SAMD9L: variants seen among roughly 807,000 people sequenced by gnomAD.
SAMD9L encodes sterile alpha motif domain containing 9 like.
In SAMD9L, 68 loss-of-function variants were observed where a neutral mutation model predicts 90.7. That is an observed-to-expected ratio of 0.75 (90% CI 0.62 to 0.92). SAMD9L has a LOEUF of 0.92. Among genes scored for constraint, SAMD9L ranks in the 40% least tolerant of loss-of-function variants. The pLI, the probability that SAMD9L is intolerant of heterozygous loss-of-function variation, is 0.00. For synonymous variants in SAMD9L, 640 were observed against 630.1 expected, an observed-to-expected ratio of 1.02 and a Z score of -0.23; for missense variants, 1,604 against 1,824.3, an observed-to-expected ratio of 0.88 and a Z score of 2.20.
At position 93,135,737 on chromosome 7, in the gene SAMD9L, A is replaced by T. The variant is rs1290593152; in HGVS notation, c.235T>A (p.Ser79Thr). 4 of 1,613,904 alleles carry T rather than the reference A, an allele frequency of 2.5e-6. No individual in the cohort carries two copies. The highest frequency in any genetic ancestry group is 3.4e-6 in the Non-Finnish European group (4 of 1,179,956). The part of the protein sequence containing the change: ...KRSYNKLNSK[S>T]PESDNHDPGQ... ...GGATCATGATTGTCACTTTCAGGGGACTTACTATTCAATTTGTTGTATGAA... is the reference window on the plus strand; with the variant it reads ...GGATCATGATTGTCACTTTCAGGGGTCTTACTATTCAATTTGTTGTATGAA... The change falls in exon 5 of 5, where the codon TCC becomes ACC. Residue 79 changes from serine (S) to threonine (T), a missense_variant. Ser to Thr is a moderately conservative substitution (Grantham distance 58). Around this residue, in one of 7 missense-constraint regions of SAMD9L, gnomAD observed 374 missense variants for 363.6 expected, o/e 1.03. Transcript: ENST00000318238.
Position 93,132,998 on chromosome 7 carries a change from T to C in SAMD9L, c.2974A>G (p.Ile992Val). 6.2e-7 allele frequency: 1 copy of C among 1,613,492 alleles called. No individual in the cohort carries two copies. Among genetic ancestry groups the C allele is most frequent in the Non-Finnish European group, 8.5e-7 (1 of 1,179,584 alleles). Residue 992 changes from isoleucine (I) to valine (V), a missense_variant, in exon 5 of 5, where the codon ATT becomes GTT. Ile to Val is a conservative substitution (Grantham distance 29). Coordinates refer to ENST00000318238, the MANE Select transcript of SAMD9L (RefSeq NM_152703.5). ...YTGVRIIHPL[I>V]ALYCLKELER... ...AGTTCTTTTAGACAGTACAGGGCAA[T>C]CAGAGGGTGAATGATACGCACACCT...
rs1792403114 is a variant in SAMD9L at position 93,135,581 on chromosome 7, G to A, written c.391C>T (p.Gln131Ter). ...YDPREIRDIKQEESILMKENV... is the reference protein window; with the variant it reads ...YDPREIRDIK ...TCTTTCATAAGAATTGATTCTTCTT[G>A]TTTGATATCTCTGATCTCTCTGGGA... is the stretch of plus-strand genomic sequence containing the variant. Residue 131 changes from glutamine to a stop codon, truncating the protein, a stop_gained, in exon 5 of 5, where the codon CAA becomes TAA. Transcript: ENST00000318238. LOFTEE classifies it low-confidence loss of function (END_TRUNC). The A allele has an allele frequency of 6.2e-7, 1 of 1,613,666 alleles. No individual in the cohort carries two copies.
In SAMD9L at chr7:93,131,397, T is replaced by TAGA. The variant is rs1792083838; in HGVS notation, c.4572_4574dup (p.Leu1525dup). The stretch of plus-strand genomic sequence containing the variant: ...TTAGCTTGCCTTCAGCCTGACCAGT[T>TAGA]AGACGACGCAGGAGGTCTTTGACTT... On this transcript the variant is annotated inframe_insertion, in exon 5 of 5. Coordinates refer to ENST00000318238, the MANE Select transcript of SAMD9L (RefSeq NM_152703.5). 6.2e-7 allele frequency: 1 copy of TAGA among 1,613,620 alleles called. No homozygotes were observed. The highest frequency in any genetic ancestry group is 8.5e-7 in the Non-Finnish European group (1 of 1,179,830).
At position 93,131,934 on chromosome 7, in the gene SAMD9L, A is replaced by G. The variant is rs1012729811; in HGVS notation, c.4038T>C (p.Tyr1346=). 1 of 1,613,008 alleles carries G rather than the reference A, an allele frequency of 6.2e-7. No individual in the cohort carries two copies. The highest frequency in any genetic ancestry group is 1.1e-5 in the South Asian group (1 of 90,948). ...TAGCATCTTTGTAGTTTGGATTAAG[A>G]TATTCCAAGAGTCCAGCAAACCTAT... ...RADRFAGLLE[Y]LNPNYKDATT... Residue 1346 remains tyrosine, a synonymous_variant, in exon 5 of 5, where the codon TAT becomes TAC. Coordinates refer to ENST00000318238, the MANE Select transcript of SAMD9L (RefSeq NM_152703.5).
At position 93,135,982 on chromosome 7, in the gene SAMD9L, C is replaced by T. The variant is rs1358658964; in HGVS notation, c.-11G>A. ...TACTTGTTTACTCATATCAAAGCTT[C>T]AACTTCTTCCTGAGACAAAGCAATA... is the stretch of plus-strand genomic sequence containing the variant. On this transcript the variant is annotated 5_prime_UTR_variant, in exon 5 of 5. Transcript: ENST00000318238. 6.5e-7 allele frequency: 1 copy of T among 1,536,628 alleles called. No individual in the cohort carries two copies. Among genetic ancestry groups the T allele is most frequent in the Non-Finnish European group, 8.7e-7 (1 of 1,146,888 alleles).
At chr7:93,143,752 C>T (rs1379122129) in intron 4 of SAMD9L, among the ~76,000 whole-genome samples, 1 of 152,202 alleles carries the variant, frequency 6.6e-6, no homozygotes, top group African/African-American at 2.4e-5. Flanking sequence ...ATATTACTTT[C>T]ATGTGAATTT....
chr7:93,135,435 T>G lies in SAMD9L; in HGVS notation c.537A>C (p.Glu179Asp), dbSNP rs748965019. 11 of 1,614,192 alleles carry G rather than the reference T, an allele frequency of 6.8e-6. No homozygotes were observed. The South Asian group carries it at 9.9e-5, about 15-fold the overall frequency. Residue 179 changes from glutamate to aspartate, a missense_variant, in exon 5 of 5, where the codon GAA becomes GAC. Physicochemically the swap from Glu to Asp is conservative, Grantham distance 45. Coordinates refer to ENST00000318238, the MANE Select transcript of SAMD9L (RefSeq NM_152703.5). ...DQFHDSHRYI[E>D]HYTLQPETGA... ...CTGTTTCAGGTTGTAGAGTATAATG[T>G]TCTATGTAGCGATGGCTGTCATGGA... is the stretch of plus-strand genomic sequence containing the variant.
Position 93,134,469 on chromosome 7 carries a change from T to C in SAMD9L, c.1503A>G (p.Arg501=), listed in dbSNP as rs75446743. The change falls in exon 5 of 5, where the codon AGA becomes AGG. Residue 501 remains arginine (R), a synonymous_variant. Transcript: ENST00000318238. The stretch of plus-strand genomic sequence containing the variant: ...TATATGTCTCGCTTTTCAGGTCTGA[T>C]CTGCCGTTGCAGAAAATCCAGCTGG... ...QQPSWIFCNG[R]SDLKSETYKP... 5,741 of 1,614,026 alleles carry C rather than the reference T, an allele frequency of 3.6e-3. 16 individuals are homozygous for C. Among genetic ancestry groups the C allele is most frequent in the Non-Finnish European group, 4.5e-3 (5,348 of 1,179,910 alleles).
chr7:93,139,739 C>T (rs982937073), intron 4 of SAMD9L, among the ~76,000 whole-genome samples: 8 of 152,166 alleles, frequency 5.3e-5, no homozygotes, highest in South Asian at 4.1e-4. Flanking sequence ...CCAATAAATA[C>T]GGTTACTGAG....
rs1244514747 is a variant in SAMD9L, at chr7:93,147,127, C to T, written c.-1023G>A. 1.3e-5 allele frequency: 2 copies of T among 152,180 alleles called. No homozygotes were observed. Among genetic ancestry groups the T allele is most frequent in the Non-Finnish European group, 2.9e-5 (2 of 68,058 alleles). The allele number at this position is 152,180 out of a possible 1,614,324, so 9.4% of individuals were successfully genotyped here. ...TGTCCTCTTTCAGAAATTTAACCAG[C>T]CAGTCTCTCTCTGGAAATGCTAAAG... On this transcript the variant is annotated 5_prime_UTR_variant, in exon 2 of 5. Coordinates refer to ENST00000318238, the MANE Select transcript of SAMD9L (RefSeq NM_152703.5).
rs780102041 is a variant in SAMD9L at position 93,131,296 on chromosome 7, C to G, written c.4676G>C (p.Gly1559Ala). The G allele has an allele frequency of 1.9e-6, 3 of 1,612,072 alleles. No individual in the cohort carries two copies. The East Asian group carries it at 6.7e-5, about 36-fold the overall frequency. The change falls in exon 5 of 5, where the codon GGT becomes GCT. Residue 1559 changes from glycine (G) to alanine (A), a missense_variant. By Grantham distance (60) the Gly-to-Ala change is moderately conservative (BLOSUM62 0). Coordinates refer to ENST00000318238, the MANE Select transcript of SAMD9L (RefSeq NM_152703.5). ...ISVYSGPLRS[G>A]RNIERVSFYL... Reference sequence around the variant, plus strand: ...GAAAGACACTCTTTCTATGTTCCTACCACTTCTGAGTGGACCTGAATAAAC... The same window carrying G: ...GAAAGACACTCTTTCTATGTTCCTAGCACTTCTGAGTGGACCTGAATAAAC...
Position 93,131,046 on chromosome 7 carries a change from G to A in SAMD9L, c.*171C>T, listed in dbSNP as rs974644535. ...CTCCACTTTGTGCCAAGCTCTGCGG[G>A]TAGGCATATTTCATATCTTAAAAAG... On this transcript the variant is annotated 3_prime_UTR_variant, in exon 5 of 5. Transcript: ENST00000318238. 5 of 496,274 alleles carry A rather than the reference G, an allele frequency of 1.0e-5. No individual in the cohort carries two copies. The highest frequency in any genetic ancestry group is 1.8e-5 in the Non-Finnish European group (5 of 284,102). The allele number at this position is 496,274 out of a possible 1,614,324, so 30.7% of individuals were successfully genotyped here.
Position 93,132,405 on chromosome 7 carries a change from A to C in SAMD9L, c.3567T>G (p.Tyr1189Ter). 1 of 1,613,876 alleles carries C rather than the reference A, an allele frequency of 6.2e-7. No homozygotes were observed. The highest frequency in any genetic ancestry group is 1.1e-5 in the South Asian group (1 of 91,066). Residue 1189 changes from tyrosine to a stop codon, truncating the protein, a stop_gained, in exon 5 of 5, where the codon TAT (tyrosine) becomes TAG (stop). Coordinates refer to ENST00000318238, the MANE Select transcript of SAMD9L (RefSeq NM_152703.5). LOFTEE classifies it high-confidence loss of function. The part of the protein sequence containing the change: ...NWSPQKSQRR[Y>*]DMYNTACFLG... ...AGAAACAAGCTGTGTTATACATGTC[A>C]TATCGTCTCTGGGACTTCTGTGGTG... is the stretch of plus-strand genomic sequence containing the variant.
Position 93,145,746 on chromosome 7 carries a change from C to T in SAMD9L, c.-484G>A, listed in dbSNP as rs1792865966. On this transcript the variant is annotated 5_prime_UTR_variant, in exon 3 of 5. Coordinates refer to ENST00000318238, the MANE Select transcript of SAMD9L (RefSeq NM_152703.5). ...TTTGAAAGAATAGTGAAAAGAATACCCTTCTCCTAGGTAGCATCTCTTTGT... is the reference window on the plus strand; with the variant it reads ...TTTGAAAGAATAGTGAAAAGAATACTCTTCTCCTAGGTAGCATCTCTTTGT... 6.6e-6 allele frequency: 1 copy of T among 152,058 alleles called. No homozygotes were observed. The highest frequency in any genetic ancestry group is 2.4e-5 in the African/African-American group (1 of 41,388). 9.4% of individuals were successfully genotyped at this position (152,058 alleles called of 1,614,324 possible).
In SAMD9L at chr7:93,134,588, T is replaced by A; in HGVS notation, c.1384A>T (p.Ser462Cys). 1 of 1,613,992 alleles carries A rather than the reference T, an allele frequency of 6.2e-7. No individual in the cohort carries two copies. The highest frequency in any genetic ancestry group is 1.6e-4 in the Middle Eastern group (1 of 6,062). Residue 462 changes from serine (S) to cysteine (C), a missense_variant, in exon 5 of 5, where the codon AGT (serine) becomes TGT (cysteine). By Grantham distance (112) the Ser-to-Cys change is moderately radical (BLOSUM62 -1). Transcript: ENST00000318238. ...INGVVKAYKE[S>C]RVANLHFPNQ... The stretch of plus-strand genomic sequence containing the variant: ...GGAAAGTGAAGGTTTGCCACCCGAC[T>A]TTCTTTGTAAGCTTTGACCACTCCA...
chr7:93,132,260 T>A lies in SAMD9L; in HGVS notation c.3712A>T (p.Ile1238Phe), dbSNP rs781015626. ...CATTCATTTCTGGGATCAGGAGGAA[T>A]GGTCCACTTTCCTGATAAAAATTGC... The part of the protein sequence containing the change: ...MVQFLSGKWT[I>F]PPDPRNECYL... The change falls in exon 5 of 5, where the codon ATT becomes TTT. Residue 1238 changes from isoleucine (I) to phenylalanine (F), a missense_variant. Physicochemically the swap from Ile to Phe is conservative, Grantham distance 21. This residue lies in a region of SAMD9L where 302 missense variants were observed against 314.7 expected (regional missense o/e 0.96). Coordinates refer to ENST00000318238, the MANE Select transcript of SAMD9L (RefSeq NM_152703.5). The A allele has an allele frequency of 2.5e-6, 4 of 1,613,792 alleles. No individual in the cohort carries two copies. Among genetic ancestry groups the A allele is most frequent in the Non-Finnish European group, 3.4e-6 (4 of 1,179,820 alleles).
intron 1 of SAMD9L, 27 bp downstream of exon 1, chr7:93,148,166 TA>T (rs1317579979): frequency 2.0e-5 from 3 of 152,182 alleles, no homozygotes; most frequent in Non-Finnish European, 4.4e-5. Flanking sequence ...GCATAACAAA[TA>T]AAGGTTTAAT....
At chr7:93,143,642 A>G (rs1792782017) in intron 4 of SAMD9L, among the ~76,000 whole-genome samples, 1 of 152,232 alleles carries the variant, frequency 6.6e-6, no homozygotes, top group South Asian at 2.1e-4. Context: ...ATGTGTTAGT[A>G]TGATAACATA....
At chr7:93,139,402 T>A (rs927547611) in intron 4 of SAMD9L, among the ~76,000 whole-genome samples, 2 of 152,162 alleles carry the variant, frequency 1.3e-5, no homozygotes, top group Non-Finnish European at 2.9e-5. Flanking sequence ...TGTAATTAGT[T>A]GACATGAAGT....
Sources: gnomAD v4.1 joint callset for allele counts (sites outside exome capture counted in the v4.1 genomes callset) on GRCh38, gnomAD v4.1.1 for gene constraint, gnomAD v4.1.1 regional missense constraint, MANE v1.5 for transcripts, NCBI Gene and HGNC (gene_info 2026-07-23, HGNC 2026-07-21) for gene names.